Variants in DNAJB6 observed in about 807,000 individuals in gnomAD.
DNAJB6 encodes dnaJ homolog subfamily B member 6.
DNAJB6 carries 16 observed loss-of-function variants against 42.7 expected under a neutral mutation model. That is an observed-to-expected ratio of 0.37 (90% confidence interval 0.25 to 0.57). The LOEUF (loss-of-function observed/expected upper bound fraction) is 0.57. Among genes scored for constraint, DNAJB6 ranks in the 20% least tolerant of loss-of-function variants. DNAJB6 has a pLI of 0.74. For synonymous variants in DNAJB6, 170 were observed against 163.5 expected (o/e 1.04, Z -0.30); for missense variants, 347 against 416.8 (o/e 0.83, Z 1.46).
chr7:157,382,156 C>T, intron 5 of DNAJB6, 90 bp from the exon 6 acceptor site: 1 of 1,398,392 alleles, frequency 7.2e-7, no homozygotes, highest in Non-Finnish European at 9.5e-7. Flanking sequence ...GAATATGTTA[C>T]AAACATCTAT....
At chr7:157,402,602 C>T (rs1478582321) in intron 8 of DNAJB6, among the ~76,000 whole-genome samples, 1 of 152,254 alleles carries the variant, frequency 6.6e-6, no homozygotes, top group Non-Finnish European at 1.5e-5. Context: ...CTCCGTAGGC[C>T]TGAGGGAGCC....
Position 157,358,559 on chromosome 7 carries a change from C to T in DNAJB6, c.-14C>T, listed in dbSNP as rs766503867. Reference sequence around the variant, plus strand: ...TTTTTACTTGCAGGACCCATTCCAACAATCTCGTAAAACATGGTGGATTAC... The same window carrying T: ...TTTTTACTTGCAGGACCCATTCCAATAATCTCGTAAAACATGGTGGATTAC... On this transcript the variant is annotated 5_prime_UTR_variant, in exon 2 of 10. Transcript: ENST00000262177. 2 of 1,611,808 alleles carry T rather than the reference C, an allele frequency of 1.2e-6. No homozygotes were observed. The highest frequency in any genetic ancestry group is 1.7e-5 in the Admixed American group (1 of 59,976).
intron 8 of DNAJB6, among the ~76,000 whole-genome samples, chr7:157,400,248 G>A (rs754380526): frequency 2.0e-5 from 3 of 149,368 alleles, no homozygotes; most frequent in Non-Finnish European, 4.5e-5. Context: ...GTATGTGCTC[G>A]CGTCTAGGGA....
At chr7:157,395,972 T>A (rs1418545666) in intron 8 of DNAJB6, among the ~76,000 whole-genome samples, 1 of 126,814 alleles carries the variant, frequency 7.9e-6, no homozygotes, top group South Asian at 2.6e-4. Context: ...TTTGGAGACG[T>A]AGTCTTACTC....
chr7:157,341,011 T>G (rs1461887839), intron 1 of DNAJB6, among the ~76,000 whole-genome samples: 2 of 75,298 alleles, frequency 2.7e-5, no homozygotes, highest in African/African-American at 4.6e-5. Flanking sequence ...CGCGCGCAGG[T>G]GGAATCACCC....
chr7:157,393,822 C>T (rs1801463161), intron 8 of DNAJB6, among the ~76,000 whole-genome samples: 1 of 151,956 alleles, frequency 6.6e-6, no homozygotes, highest in African/African-American at 2.4e-5. Context: ...CTCACAGTTA[C>T]TGTTTTGTGT....
At chr7:157,387,311 C>T (rs1321308970) in intron 8 of DNAJB6, among the ~76,000 whole-genome samples, 3 of 152,206 alleles carry the variant, frequency 2.0e-5, no homozygotes, top group African/African-American at 7.2e-5. Flanking sequence ...TAACCCAGCA[C>T]GCGGCACTTC....
chr7:157,369,951 G>GATTATTAAACGGGCCCTTTCTTCACATT (rs1800084470), intron 5 of DNAJB6, among the ~76,000 whole-genome samples: 1 of 121,674 alleles, frequency 8.2e-6, no homozygotes, highest in African/African-American at 3.5e-5. Context: ...CCCTTCTTAA[G>GATTATTAAACGGGCCCTTTCTTCACATT]ATTATTAAAC....
chr7:157,383,301 T>A (rs1800881788), intron 6 of DNAJB6, among the ~76,000 whole-genome samples: 1 of 152,202 alleles, frequency 6.6e-6, no homozygotes, highest in Non-Finnish European at 1.5e-5. Flanking sequence ...CCACCACTCC[T>A]GGCCTGGAGC....
intron 8 of DNAJB6, among the ~76,000 whole-genome samples, chr7:157,400,361 G>GGGGATGCCCGGGTCCCCGTGCCTTCGTGT (rs1491432685): frequency 9.1e-4 from 37 of 40,450 alleles, no homozygotes; most frequent in African/African-American, 3.5e-3. Flanking sequence ...CGCCTTCATG[G>GGGGATGCCCGGGTCCCCGTGCCTTCGTGT]ACACGCTCGT....
intron 1 of DNAJB6, among the ~76,000 whole-genome samples, chr7:157,346,278 A>G (rs1254907999): frequency 6.9e-6 from 1 of 144,224 alleles, no homozygotes; most frequent in Admixed American, 7.7e-5. Flanking sequence ...TACTCCGGGC[A>G]CACTGCCTAT....
At chr7:157,390,909 C>T (rs186791000) in intron 8 of DNAJB6, among the ~76,000 whole-genome samples, 1 of 152,322 alleles carries the variant, frequency 6.6e-6, no homozygotes, top group East Asian at 1.9e-4. Flanking sequence ...AGTCACAGCT[C>T]TCTGTAGCCT....
chr7:157,402,121 C>T (rs1242937112), intron 8 of DNAJB6, among the ~76,000 whole-genome samples: 5 of 152,194 alleles, frequency 3.3e-5, no homozygotes, highest in Admixed American at 6.5e-5. Flanking sequence ...GTTTCATCCT[C>T]GTTGTATTTT....
chr7:157,355,144 G>GT (rs1799204827), intron 1 of DNAJB6, among the ~76,000 whole-genome samples: 1 of 151,788 alleles, frequency 6.6e-6, no homozygotes, highest in East Asian at 1.9e-4. Flanking sequence ...CGTTCCCGTA[G>GT]TTTCTTTTAT....
intron 2 of DNAJB6, among the ~76,000 whole-genome samples, chr7:157,358,968 A>C (rs1799444479): frequency 6.6e-6 from 1 of 152,198 alleles, no homozygotes; most frequent in African/African-American, 2.4e-5. Context: ...AGGGGCCCAG[A>C]GTACATAGCA....
chr7:157,378,931 T>G (rs1584920512), intron 5 of DNAJB6: 2 of 152,330 alleles, frequency 1.3e-5, no homozygotes, highest in East Asian at 3.9e-4. Context: ...TAGCACTGTT[T>G]CTGTTACAAA....
chr7:157,396,866 A>G (rs1037541311), intron 8 of DNAJB6, among the ~76,000 whole-genome samples: 10 of 151,746 alleles, frequency 6.6e-5, no homozygotes, highest in Non-Finnish European at 1.3e-4. Flanking sequence ...TCAGGCATAA[A>G]CATCCACCGC....
chr7:157,395,447 T>C (rs1417398267), intron 8 of DNAJB6, among the ~76,000 whole-genome samples: 1 of 152,246 alleles, frequency 6.6e-6, no homozygotes, highest in African/African-American at 2.4e-5. Context: ...GCTCCTGAGC[T>C]CAGGCCTTCT....
chr7:157,390,958 C>T (rs1801311128), intron 8 of DNAJB6, among the ~76,000 whole-genome samples: 2 of 152,342 alleles, frequency 1.3e-5, no homozygotes, highest in South Asian at 2.1e-4. Flanking sequence ...ACCTCAGCCC[C>T]TAAGCAGTTG....
Sources: gnomAD v4.1 joint callset for allele counts (sites outside exome capture counted in the v4.1 genomes callset) on GRCh38, gnomAD v4.1.1 for gene constraint, MANE v1.5 for transcripts, NCBI Gene and HGNC (gene_info 2026-07-23, HGNC 2026-07-21) for gene names.